The following SAMD3 variants were observed in gnomAD, a reference collection of about 807,000 sequenced individuals.
The protein encoded by SAMD3 is sterile alpha motif domain containing 3.
SAMD3 carries 63 observed loss-of-function variants against 58.5 expected under a neutral mutation model. The ratio of observed to expected loss-of-function variants is 1.08; its 90% CI spans 0.88 to 1.33. The LOEUF is 1.33. Ranked by LOEUF, SAMD3 falls within the 40% of genes most tolerant of loss-of-function variation. SAMD3 has a pLI of 0.00. For missense variants in SAMD3, 604 were observed against 608.4 expected (o/e 0.99, Z 0.08); for synonymous variants, 220 against 210.3 (o/e 1.05, Z -0.40).
upstream of SAMD3, among the ~76,000 whole-genome samples, chr6:130,227,555 A>G (rs1796415472): frequency 6.6e-6 from 1 of 152,176 alleles, no homozygotes; most frequent in East Asian, 1.9e-4. Context: ...TGAGAGGCCA[A>G]GGTGGGTGGA....
chr6:130,237,600 G>A (rs1202042555), intron 2 of SAMD3, among the ~76,000 whole-genome samples: 1 of 151,928 alleles, frequency 6.6e-6, no homozygotes, highest in African/African-American at 2.4e-5. Context: ...ATTGATTGCT[G>A]GATACTTCAA....
chr6:130,181,301 GT>G (rs1792312582), intron 7 of SAMD3, among the ~76,000 whole-genome samples: 1 of 152,120 alleles, frequency 6.6e-6, no homozygotes, highest in Non-Finnish European at 1.5e-5. Context: ...AAATAACCAA[GT>G]TTGTGCACCC....
At chr6:130,297,089 C>T (rs542379534) in intron 2 of SAMD3, among the ~76,000 whole-genome samples, 19 of 152,316 alleles carry the variant, frequency 1.2e-4, no homozygotes, top group African/African-American at 4.6e-4. Flanking sequence ...AACTGCATCA[C>T]CAAATAAAAA....
chr6:130,346,276 C>T (rs529678665), intron 1 of SAMD3, among the ~76,000 whole-genome samples: 2 of 152,308 alleles, frequency 1.3e-5, no homozygotes, highest in East Asian at 3.9e-4. Context: ...GGTGAGGGAT[C>T]GCCTCCCCTG....
chr6:130,329,724 AC>A (rs1776867533), intron 1 of SAMD3, among the ~76,000 whole-genome samples: 1 of 152,230 alleles, frequency 6.6e-6, no homozygotes, highest in South Asian at 2.1e-4. Flanking sequence ...GTCATGGAGT[AC>A]TATGCAGCCA....
At chr6:130,357,328 G>T (rs972787490) in intron 1 of SAMD3, among the ~76,000 whole-genome samples, 2 of 151,982 alleles carry the variant, frequency 1.3e-5, no homozygotes, top group African/African-American at 2.4e-5. Context: ...GTTTCACCGT[G>T]TTAGCCAGGA....
At chr6:130,155,277 TTTATATAGAGACA>T (rs1211881810) in intron 8 of SAMD3, among the ~76,000 whole-genome samples, 1 of 152,208 alleles carries the variant, frequency 6.6e-6, no homozygotes, top group Non-Finnish European at 1.5e-5. Flanking sequence ...ACGTTATCCT[TTTATATAGAGACA>T]GATTATCCAG....
In SAMD3 at chr6:130,308,375, A is replaced by ATTCTATTCTATTCTATTCTATTCTATTCT. The variant is rs1562512877; in HGVS notation, c.-188+4574_-188+4602dup. Among the ~76,000 whole-genome samples the ATTCTATTCTATTCTATTCTATTCTATTCT allele has an allele frequency of 7.5e-4, 92 of 122,256 alleles. 1 individual carries two copies. Among genetic ancestry groups the ATTCTATTCTATTCTATTCTATTCTATTCT allele is most frequent in the African/African-American group, 1.8e-3 (56 of 31,602 alleles). The allele number at this position is 122,256 out of a possible 152,430, so 80.2% of individuals were successfully genotyped here. ...ATTCTATTCTATTCTATTCTATTCT[A>ATTCTATTCTATTCTATTCTATTCTATTCT]TTCTATTCTATTCTATTCTATTCTA... On this transcript the variant is annotated intron_variant, in intron 2 of 13. Coordinates refer to the SAMD3 transcript ENST00000368134.
intron 1 of SAMD3, among the ~76,000 whole-genome samples, chr6:130,358,878 G>T (rs886091108): frequency 6.6e-6 from 1 of 152,066 alleles, no homozygotes; most frequent in Non-Finnish European, 1.5e-5. Context: ...AATGCTGCAT[G>T]GTATTCCATT....
At chr6:130,302,938 G>T (rs898394924) in intron 2 of SAMD3, among the ~76,000 whole-genome samples, 4 of 152,142 alleles carry the variant, frequency 2.6e-5, no homozygotes, top group African/African-American at 9.7e-5. Context: ...GGGGGCAAGG[G>T]TTGAAAAACT....
chr6:130,215,982 G>A (rs1663450798), intron 2 of SAMD3: 4 of 590,818 alleles, frequency 6.8e-6, no homozygotes, highest in Non-Finnish European at 1.2e-5. Context: ...GTTATGATTG[G>A]TAAGATAACT....
Position 130,214,194 on chromosome 6 carries a change from G to A in SAMD3, c.269+143C>T, listed in dbSNP as rs187931341. On this transcript the variant is annotated intron_variant, in intron 4 of 11. Coordinates refer to ENST00000439090, the MANE Select transcript of SAMD3 (RefSeq NM_001017373.4). ...TTCTTAAAATTTTACAGTGTCCTTT[G>A]CTCAAATATTAGAAATACCGTACAT... 5,013 of 607,798 alleles carry A rather than the reference G, an allele frequency of 8.2e-3. 29 individuals carry two copies. Among genetic ancestry groups the A allele is most frequent in the Non-Finnish European group, 0.01 (3,943 of 384,682 alleles). 37.7% of individuals were successfully genotyped at this position (607,798 alleles called of 1,614,324 possible).
intron 8 of SAMD3, among the ~76,000 whole-genome samples, chr6:130,155,543 G>T (rs953212): frequency 1.3e-5 from 2 of 152,068 alleles, no homozygotes; most frequent in African/African-American, 4.8e-5. Flanking sequence ...AACTGGGTAC[G>T]TTGGGCGGAG....
At position 130,365,300 on chromosome 6, in the gene SAMD3, C is replaced by G. The variant is rs530372273; in HGVS notation, c.-484G>C. 7 of 985,366 alleles carry G rather than the reference C, an allele frequency of 7.1e-6. No homozygotes were observed. The African/African-American group carries it at 8.7e-5, about 12-fold the overall frequency. The allele number at this position is 985,366 out of a possible 1,614,324, so 61.0% of individuals were successfully genotyped here. A position where few individuals can be genotyped will look rare whatever the true frequency, so the allele number is the denominator to read the frequency against. On this transcript the variant is annotated 5_prime_UTR_variant, in exon 1 of 14. Coordinates refer to the SAMD3 transcript ENST00000368134. ...ATCCGCACTGCTCATCGAAGACCCC[C>G]GTGCTTCAGTTCCCTCTGTCTTCCA...
chr6:130,216,400 G>T (rs1431114623), intron 2 of SAMD3, among the ~76,000 whole-genome samples, 171 bp downstream of exon 2: 2 of 152,166 alleles, frequency 1.3e-5, no homozygotes, highest in Admixed American at 6.5e-5. Context: ...GCTACTCTTG[G>T]AGAAATGGAA....
intron 1 of SAMD3, among the ~76,000 whole-genome samples, chr6:130,344,946 C>T (rs1262966202): frequency 6.6e-6 from 1 of 150,452 alleles, no homozygotes; most frequent in Non-Finnish European, 1.5e-5. Flanking sequence ...CCCTCCATCT[C>T]CTCTACCAAA....
At chr6:130,272,636 G>A (rs756607488) in intron 2 of SAMD3, among the ~76,000 whole-genome samples, 1 of 152,168 alleles carries the variant, frequency 6.6e-6, no homozygotes, top group Non-Finnish European at 1.5e-5. Context: ...GAAATATGAA[G>A]TAATTGCATG....
chr6:130,184,771 CCATCCACAAATGTTT>C, intron 5 of SAMD3, 148 bp from the exon 6 acceptor site: 1 of 606,624 alleles, frequency 1.6e-6, no homozygotes, highest in South Asian at 2.3e-5. Context: ...ATCCATTCAT[CCATCCACAAATGTTT>C]GAAGGCTCAT....
At position 130,337,239 on chromosome 6, in the gene SAMD3, G is replaced by A. The variant is rs1424331489; in HGVS notation, c.-303-24146C>T. On this transcript the variant is annotated intron_variant, in intron 1 of 13. Coordinates refer to the SAMD3 transcript ENST00000368134. ...GAGTGAGTTCTCATGAGATTTGATG[G>A]TTTTATAAGTGTTTGACAGTTCCTC... 2.0e-5 allele frequency among the ~76,000 whole-genome samples: 3 copies of A among 152,066 alleles called. No individual in the cohort carries two copies. The East Asian group carries it at 5.8e-4, about 29-fold the overall frequency.
Sources: allele counts gnomAD v4.1 joint callset (sites outside exome capture counted in the v4.1 genomes callset), GRCh38; gene constraint gnomAD v4.1.1; transcripts MANE v1.5; gene names NCBI Gene and HGNC (gene_info 2026-07-23, HGNC 2026-07-21).